The following RALGPS1 variants were observed in gnomAD, a reference collection of about 807,000 sequenced individuals.
The protein encoded by RALGPS1 is Ral GEF with PH domain and SH3 binding motif 1, also known as ras-specific guanine nucleotide-releasing factor RalGPS1.
Under a neutral mutation model 78.8 loss-of-function variants are expected in RALGPS1, and 19 were observed. That is an observed-to-expected ratio of 0.24 (90% CI 0.17 to 0.35). The LOEUF is 0.35. Among genes scored for constraint, RALGPS1 ranks in the 10% least tolerant of loss-of-function variants. RALGPS1 has a pLI of 1.00. For missense variants in RALGPS1, 454 were observed against 688.3 expected (o/e 0.66, Z 3.81); for synonymous variants, 228 against 256.3 (o/e 0.89, Z 1.06).
chr9:127,080,608 C>T (rs976486123), intron 8 of RALGPS1, among the ~76,000 whole-genome samples: 1 of 152,156 alleles, frequency 6.6e-6, no homozygotes, highest in African/African-American at 2.4e-5. Context: ...CTAGAACTCC[C>T]CTGTTCTTTC....
chr9:126,977,174 G>C (rs556268296), intron 3 of RALGPS1, among the ~76,000 whole-genome samples: 1 of 152,296 alleles, frequency 6.6e-6, no homozygotes, highest in African/African-American at 2.4e-5. Context: ...GTGCTGGTCT[G>C]TGGGTGCGTC....
chr9:127,012,570 T>C (rs575497366), intron 4 of RALGPS1, among the ~76,000 whole-genome samples: 2 of 152,340 alleles, frequency 1.3e-5, no homozygotes, highest in Non-Finnish European at 2.9e-5. Flanking sequence ...CCTAAGCTGC[T>C]GCTGTTCCGA....
chr9:127,079,245 G>T (rs1042108992), intron 8 of RALGPS1, among the ~76,000 whole-genome samples: 1 of 152,184 alleles, frequency 6.6e-6, no homozygotes, highest in Non-Finnish European at 1.5e-5. Context: ...GTGGACACTG[G>T]TCTTCTACTG....
chr9:127,145,681 A>G (rs2058055571), intron 8 of RALGPS1, among the ~76,000 whole-genome samples: 1 of 152,204 alleles, frequency 6.6e-6, no homozygotes. Flanking sequence ...GACTAGAGGT[A>G]GAGCCCCAGA....
chr9:127,108,529 G>C, intron 8 of RALGPS1: 10 of 1,613,034 alleles, frequency 6.2e-6, no homozygotes, highest in Non-Finnish European at 7.6e-6. Context: ...GACGCAGATG[G>C]CACCCGTGAC....
intron 8 of RALGPS1, among the ~76,000 whole-genome samples, chr9:127,142,182 A>G (rs1343174190): frequency 6.6e-6 from 1 of 152,234 alleles, no homozygotes; most frequent in Non-Finnish European, 1.5e-5. Context: ...CATAGAGAGC[A>G]GGAGATGCCT....
At chr9:127,066,899 CTACAGCCTCAA>C (rs887561425) in intron 7 of RALGPS1, among the ~76,000 whole-genome samples, 52 of 152,250 alleles carry the variant, frequency 3.4e-4, no homozygotes, top group African/African-American at 1.2e-3. Context: ...TACAGACTCA[CTACAGCCTCAA>C]CCTCCTGGAC....
intron 17 of RALGPS1, among the ~76,000 whole-genome samples, chr9:127,214,501 C>T (rs2062462975): frequency 6.6e-6 from 1 of 152,114 alleles, no homozygotes; most frequent in Admixed American, 6.5e-5. Context: ...CATTTGGAAA[C>T]ATTATTCTGA....
intron 11 of RALGPS1, among the ~76,000 whole-genome samples, chr9:127,186,559 A>G (rs7044315): frequency 0.058 from 8,767 of 152,320 alleles, 876 homozygotes; most frequent in African/African-American, 0.2. Context: ...CAGGGCAGGA[A>G]CATGAGGCCT....
chr9:127,030,841 G>A (rs930595556), intron 4 of RALGPS1, among the ~76,000 whole-genome samples: 4 of 151,420 alleles, frequency 2.6e-5, no homozygotes, highest in African/African-American at 9.7e-5. Flanking sequence ...AGGAGGGAGA[G>A]GATGCAAGGA....
intron 8 of RALGPS1, among the ~76,000 whole-genome samples, chr9:127,120,393 C>A (rs1472766883): frequency 6.6e-6 from 1 of 152,152 alleles, no homozygotes; most frequent in Non-Finnish European, 1.5e-5. Context: ...CAAACCCAAA[C>A]CCCAGACATA....
intron 8 of RALGPS1, among the ~76,000 whole-genome samples, chr9:127,072,171 A>G (rs2050259362): frequency 2.0e-5 from 3 of 152,148 alleles, no homozygotes; most frequent in African/African-American, 4.8e-5. Context: ...ATTCCTTCTT[A>G]TTGCCAAATA....
rs758552705 is a variant in RALGPS1, at chr9:127,053,033, A to G, written c.483+94A>G. The G allele has an allele frequency of 2.1e-5, 19 of 903,230 alleles. 1 individual carries two copies. In the South Asian group the frequency reaches 2.7e-4, roughly 13 times the overall value. 56.0% of individuals were successfully genotyped at this position (903,230 alleles called of 1,614,324 possible). ...AGCCCCAGCCTTTCTCTTACTGTCT[A>G]TACTTTGCCAACAACAGAGTTACTA... On this transcript the variant is annotated intron_variant, in intron 7 of 18. Transcript: ENST00000259351.
chr9:127,210,751 C>A (rs1358734512), intron 14 of RALGPS1: 2 of 1,550,650 alleles, frequency 1.3e-6, no homozygotes, highest in Non-Finnish European at 1.7e-6. Flanking sequence ...GTTAGGAATT[C>A]TCCCAGAACC....
At chr9:127,077,261 G>A (rs1215530993) in intron 8 of RALGPS1, among the ~76,000 whole-genome samples, 1 of 152,120 alleles carries the variant, frequency 6.6e-6, no homozygotes, top group Non-Finnish European at 1.5e-5. Flanking sequence ...AGCCTGTGAT[G>A]AGTCACTGTA....
At chr9:127,217,553 T>C (rs2062649468) in intron 18 of RALGPS1, 1 of 532,246 alleles carries the variant, frequency 1.9e-6, no homozygotes, top group Admixed American at 6.4e-5. Flanking sequence ...ATAACATATG[T>C]ATAGGTATAA....
At chr9:127,032,430 A>G (rs2046511055) in intron 4 of RALGPS1, among the ~76,000 whole-genome samples, 1 of 152,272 alleles carries the variant, frequency 6.6e-6, no homozygotes, top group South Asian at 2.1e-4. Context: ...CAGGAAAAAT[A>G]CAAAGGGAGC....
intron 4 of RALGPS1, chr9:126,989,828 G>A (rs531272427): frequency 2.3e-4 from 347 of 1,537,826 alleles, no homozygotes; most frequent in Admixed American, 6.9e-4. Context: ...TCCTGCATCA[G>A]GCTGGAGCTC....
In RALGPS1 at chr9:127,196,557, T is replaced by A; in HGVS notation, c.1121T>A (p.Val374Asp). 1 of 1,614,186 alleles carries A rather than the reference T, an allele frequency of 6.2e-7. No individual in the cohort carries two copies. ...EKARHLLDDS[V>D]LESRSPRRGL... ...GCAAGGCACCTACTGGACGACAGTG[T>A]CCTAGAGTCCCGCAGCCCCCGAAGG... Residue 374 changes from valine to aspartate, a missense_variant, in exon 13 of 19, where the codon GTC becomes GAC. Transcript: ENST00000259351.
Sources: gnomAD v4.1 joint callset for allele counts (sites outside exome capture counted in the v4.1 genomes callset) on GRCh38, gnomAD v4.1.1 for gene constraint, MANE v1.5 for transcripts, NCBI Gene and HGNC (gene_info 2026-07-23, HGNC 2026-07-21) for gene names.